TEAD1: variants seen among roughly 807,000 people sequenced by gnomAD.
The protein encoded by TEAD1 is transcriptional enhancer factor TEF-1.
In TEAD1, 9 loss-of-function variants were observed where a neutral mutation model predicts 54.9. The observed-to-expected ratio is 0.16, with a 90% confidence interval of 0.10 to 0.29. The LOEUF (loss-of-function observed/expected upper bound fraction) is 0.29, where lower values mean the gene tolerates loss of function less well. TEAD1 is among the 10% of genes least tolerant of loss of function. TEAD1 has a pLI of 1.00. For missense variants in TEAD1, 387 were observed against 535.9 expected (o/e 0.72, Z 2.74); for synonymous variants, 200 against 187.8 (o/e 1.07, Z -0.53).
At chr11:12,897,834 T>G (rs763546857) in intron 9 of TEAD1, among the ~76,000 whole-genome samples, 10 of 152,242 alleles carry the variant, frequency 6.6e-5, no homozygotes, top group Non-Finnish European at 4.4e-5. Context: ...AAATCAACTT[T>G]CAAAAAACGT....
Position 12,751,520 on chromosome 11 carries a change from T to C in TEAD1, c.-54-12659T>C, listed in dbSNP as rs974316945. Among the ~76,000 whole-genome samples the C allele has an allele frequency of 1.2e-4, 19 of 152,262 alleles. 1 individual carries two copies. The highest frequency in any genetic ancestry group is 3.8e-4 in the African/African-American group (16 of 41,566). On this transcript the variant is annotated intron_variant, in intron 2 of 12. Transcript: ENST00000527636. ...GAAGTCTTGCAGGTATGTGTACTTATTTGTCTCGCTGCTGGAGAGGGTGCT... is the reference window on the plus strand; with the variant it reads ...GAAGTCTTGCAGGTATGTGTACTTACTTGTCTCGCTGCTGGAGAGGGTGCT...
At chr11:12,690,790 CTG>C (rs1472710924) in intron 2 of TEAD1, among the ~76,000 whole-genome samples, 1 of 152,222 alleles carries the variant, frequency 6.6e-6, no homozygotes, top group Non-Finnish European at 1.5e-5. Context: ...GTCTCACTCA[CTG>C]TGTCACCCAA....
At chr11:12,736,717 A>C (rs1045618806) in intron 2 of TEAD1, among the ~76,000 whole-genome samples, 1 of 152,210 alleles carries the variant, frequency 6.6e-6, no homozygotes, top group Non-Finnish European at 1.5e-5. Flanking sequence ...ATTCTTATCC[A>C]TTCACAAAGA....
intron 3 of TEAD1, among the ~76,000 whole-genome samples, chr11:12,810,895 C>G (rs1946285812): frequency 6.6e-6 from 1 of 152,204 alleles, no homozygotes; most frequent in African/African-American, 2.4e-5. Context: ...TTGCTTTCAT[C>G]TCAGCCTGTG....
At position 12,751,166 on chromosome 11, in the gene TEAD1, G is replaced by A. The variant is rs569261952; in HGVS notation, c.-54-13013G>A. On this transcript the variant is annotated intron_variant, in intron 2 of 12. Transcript: ENST00000527636. ...AAACCGAAATAATTAGCTGGGCATG[G>A]TAGCATGTGCCTGTAGTCCCAGCTA... Among the ~76,000 whole-genome samples, 305 of 152,172 alleles carry A rather than the reference G, an allele frequency of 2.0e-3. 3 individuals are homozygous for A. In the South Asian group the frequency reaches 0.021, roughly 10 times the overall value.
chr11:12,726,089 A>G (rs547635388), intron 2 of TEAD1, among the ~76,000 whole-genome samples: 1 of 152,360 alleles, frequency 6.6e-6, no homozygotes, highest in South Asian at 2.1e-4. Context: ...TTCAAGGAAC[A>G]TAAAATAGCA....
chr11:12,914,121 T>C (rs1417086292), intron 10 of TEAD1, among the ~76,000 whole-genome samples: 2 of 152,254 alleles, frequency 1.3e-5, no homozygotes, highest in African/African-American at 4.8e-5. Context: ...GTGGGTGATA[T>C]TAATTGAATT....
At chr11:12,873,244 C>G (rs1947790586) in intron 5 of TEAD1, among the ~76,000 whole-genome samples, 3 of 152,218 alleles carry the variant, frequency 2.0e-5, no homozygotes, top group Admixed American at 2.0e-4. Context: ...TGGCCCCTTG[C>G]TGTCACCTCT....
intron 12 of TEAD1, among the ~76,000 whole-genome samples, chr11:12,936,807 A>G (rs1949108991): frequency 6.6e-6 from 1 of 152,216 alleles, no homozygotes; most frequent in African/African-American, 2.4e-5. Context: ...TCTTTGTTGT[A>G]AAGAAATCAG....
chr11:12,710,316 C>T (rs1332324130), intron 2 of TEAD1, among the ~76,000 whole-genome samples: 15 of 151,808 alleles, frequency 9.9e-5, no homozygotes, highest in Admixed American at 9.8e-4. Context: ...AGAGTGGGAC[C>T]CTGTCTCAAA....
intron 9 of TEAD1, among the ~76,000 whole-genome samples, chr11:12,899,230 T>C (rs771803000): frequency 2.0e-5 from 3 of 152,124 alleles, no homozygotes; most frequent in Non-Finnish European, 2.9e-5. Flanking sequence ...ACTGGGGCGG[T>C]CTGAGAGCTA....
At position 12,936,125 on chromosome 11, in the gene TEAD1, T is replaced by G. The variant is rs528853722; in HGVS notation, c.1168-984T>G. 5.9e-5 allele frequency among the ~76,000 whole-genome samples: 9 copies of G among 152,280 alleles called. No individual in the cohort carries two copies. The South Asian group carries it at 1.0e-3, about 18-fold the overall frequency. ...GTAATCAAACACAAAAGTAACAGAG[T>G]CACTGACGCGTTTCATGTTTTTGCT... On this transcript the variant is annotated intron_variant, in intron 12 of 12. Coordinates refer to ENST00000527636, the MANE Select transcript of TEAD1 (RefSeq NM_021961.6).
chr11:12,866,012 G>C (rs1368855702), intron 5 of TEAD1, among the ~76,000 whole-genome samples: 1 of 152,160 alleles, frequency 6.6e-6, no homozygotes, highest in East Asian at 1.9e-4. Context: ...ATGCAAACAA[G>C]GCTGGCTGTG....
chr11:12,824,775 A>T (rs904237480), intron 3 of TEAD1, among the ~76,000 whole-genome samples: 2 of 152,060 alleles, frequency 1.3e-5, no homozygotes, highest in African/African-American at 4.8e-5. Flanking sequence ...GAGAGGGTTG[A>T]TGGGGCCGGG....
At chr11:12,778,367 C>G (rs990315349) in intron 3 of TEAD1, among the ~76,000 whole-genome samples, 2 of 151,910 alleles carry the variant, frequency 1.3e-5, no homozygotes, top group Admixed American at 1.3e-4. Context: ...TCTGGGATAC[C>G]GTTCATCCTG....
At chr11:12,931,958 A>G (rs4757066) in intron 12 of TEAD1, among the ~76,000 whole-genome samples, 56,761 of 152,006 alleles carry the variant, frequency 0.37, 10,779 homozygotes, top group East Asian at 0.43. Flanking sequence ...GTGTGCAACC[A>G]GGTAGAGACC....
intron 10 of TEAD1, among the ~76,000 whole-genome samples, chr11:12,921,692 A>AAC (rs1339915109): frequency 6.6e-6 from 1 of 152,208 alleles, no homozygotes; most frequent in Non-Finnish European, 1.5e-5. Context: ...TCTTGAAGGT[A>AAC]ACACTGCCAT....
In TEAD1 at chr11:12,910,525, G is replaced by C. The variant is rs1589981360; in HGVS notation, c.873+8412G>C. On this transcript the variant is annotated intron_variant, in intron 10 of 12. Transcript: ENST00000527636. ...ATAAAGAAGAAAGCAATATGAAAGTGAAATCTTACGGATTTGTATCATGTT... is the reference window on the plus strand; with the variant it reads ...ATAAAGAAGAAAGCAATATGAAAGTCAAATCTTACGGATTTGTATCATGTT... Among the ~76,000 whole-genome samples the C allele has an allele frequency of 2.0e-5, 3 of 152,124 alleles. No individual in the cohort carries two copies. The South Asian group carries it at 6.2e-4, about 32-fold the overall frequency.
At chr11:12,752,745 T>C (rs372553801) in intron 2 of TEAD1, among the ~76,000 whole-genome samples, 1 of 152,322 alleles carries the variant, frequency 6.6e-6, no homozygotes, top group East Asian at 1.9e-4. Context: ...AACAACTGAA[T>C]TTTTAATCTT....
Sources: gnomAD v4.1 joint callset for allele counts (sites outside exome capture counted in the v4.1 genomes callset) on GRCh38, gnomAD v4.1.1 for gene constraint, MANE v1.5 for transcripts, NCBI Gene and HGNC (gene_info 2026-07-23, HGNC 2026-07-21) for gene names.